The following SLC38A10 variants were observed in gnomAD, a reference collection of about 807,000 sequenced individuals.
SLC38A10 encodes the protein Sodium-coupled neutral amino acid transporter 10.
In SLC38A10, 53 loss-of-function variants were observed where a neutral mutation model predicts 81.0. The ratio of observed to expected loss-of-function variants is 0.65; its 90% CI spans 0.53 to 0.82. SLC38A10 has a LOEUF of 0.82. SLC38A10 is among the 40% of genes least tolerant of loss of function. The probability of loss-of-function intolerance (pLI) is 0.00; values close to 1 mark genes in which losing one functional copy is unlikely to be tolerated. For missense variants in SLC38A10, 1,471 were observed against 1,545.0 expected, an observed-to-expected ratio of 0.95 and a Z score of 0.80; for synonymous variants, 665 against 655.3, an observed-to-expected ratio of 1.01 and a Z score of -0.23.
At position 81,253,985 on chromosome 17, in the gene SLC38A10, C is replaced by T. The variant is rs2062948781; in HGVS notation, c.1289-745G>A. 6.6e-6 allele frequency among the ~76,000 whole-genome samples: 1 copy of T among 152,076 alleles called. No individual in the cohort carries two copies. The highest frequency in any genetic ancestry group is 2.4e-5 in the African/African-American group (1 of 41,396). On this transcript the variant is annotated intron_variant, in intron 11 of 15. Transcript: ENST00000374759. This position sits in a 1 kb window ranked among gnomAD's most constrained non-coding sequence, Gnocchi z 4.1. The stretch of plus-strand genomic sequence containing the variant: ...ACCATCTCCATCCCCACCACCATCG[C>T]TGCATCATTGCCACCACCTCCATAA...
At position 81,283,172 on chromosome 17, in the gene SLC38A10, C is replaced by G. The variant is rs575022150; in HGVS notation, c.357+237G>C. On this transcript the variant is annotated intron_variant, in intron 4 of 15. Transcript: ENST00000374759. This position sits in a 1 kb window ranked among gnomAD's most constrained non-coding sequence, Gnocchi z 4.7. The stretch of plus-strand genomic sequence containing the variant: ...ACTGTGCCCGGGTCTGAGGCTCCCC[C>G]ACCCGCCCCTCATCTACATGGTGTC... Among the ~76,000 whole-genome samples, 1 of 152,162 alleles carries G rather than the reference C, an allele frequency of 6.6e-6. No individual in the cohort carries two copies. The highest frequency in any genetic ancestry group is 2.4e-5 in the African/African-American group (1 of 41,440).
intron 11 of SLC38A10, among the ~76,000 whole-genome samples, chr17:81,256,567 C>T (rs759677704): frequency 1.6e-4 from 24 of 152,350 alleles, no homozygotes; most frequent in Middle Eastern, 6.8e-3. Flanking sequence ...CGGCATCCCA[C>T]GGACGGAGTG....
chr17:81,268,250 A>G (rs111436875), intron 10 of SLC38A10, among the ~76,000 whole-genome samples: 1,540 of 152,218 alleles, frequency 0.01, 36 homozygotes, highest in African/African-American at 0.035. Context: ...TATCCCCTGT[A>G]TGATGGATGA....
chr17:81,276,496 A>C lies in SLC38A10; in HGVS notation c.730-345T>G, dbSNP rs563405953. ...TGCCTCCCCGGTCCTGGTTCAAGCA[A>C]TTCTCCTGCCTCAGCCTCCCGAGTA... On this transcript the variant is annotated intron_variant, in intron 7 of 15. Transcript: ENST00000374759. The surrounding 1 kb of genome is among the most constrained non-coding windows in gnomAD (Gnocchi z 4.7). Among the ~76,000 whole-genome samples, 126 of 151,362 alleles carry C rather than the reference A, an allele frequency of 8.3e-4. No homozygotes were observed. The highest frequency in any genetic ancestry group is 1.5e-3 in the Non-Finnish European group (105 of 67,862).
At chr17:81,282,161 C>G in intron 5 of SLC38A10, 28 bp downstream of exon 5, 1 of 1,610,006 alleles carries the variant, frequency 6.2e-7, no homozygotes, top group Non-Finnish European at 8.5e-7. Context: ...AGCCTTTCAG[C>G]GGGTACCCAC....
intron 14 of SLC38A10, among the ~76,000 whole-genome samples, chr17:81,250,244 G>T (rs541777054): frequency 9.2e-5 from 14 of 152,342 alleles, no homozygotes; most frequent in African/African-American, 2.6e-4. Flanking sequence ...GACTAAAACC[G>T]GAGACAAAAC....
intron 6 of SLC38A10, among the ~76,000 whole-genome samples, chr17:81,278,876 G>C (rs1408924333): frequency 6.6e-6 from 1 of 152,160 alleles, no homozygotes; most frequent in East Asian, 1.9e-4. Flanking sequence ...GGGGTGGCCA[G>C]GGTGGAAGGC....
rs773282111 is a variant in SLC38A10, at chr17:81,245,580, C to A, written c.3336G>T (p.Ala1112=). 1.9e-6 allele frequency: 3 copies of A among 1,609,550 alleles called. No homozygotes were observed. Among genetic ancestry groups the A allele is most frequent in the Non-Finnish European group, 2.5e-6 (3 of 1,178,484 alleles). ...GCTAGGACTCCTCTGGAGGCCCAGG[C>A]GCCTGTCTAAGCTGCCGGCTGTGGA... is the stretch of plus-strand genomic sequence containing the variant. ...QVVHSRQLRQ[A]PGPPEES The change falls in exon 16 of 16, where the codon GCG becomes GCT. Residue 1112 remains alanine, a synonymous_variant. Coordinates refer to ENST00000374759, the MANE Select transcript of SLC38A10 (RefSeq NM_001037984.3).
rs762172945 is a variant in SLC38A10 at position 81,276,141 on chromosome 17, A to G, written c.740T>C (p.Phe247Ser). 1 of 1,610,738 alleles carries G rather than the reference A, an allele frequency of 6.2e-7. No individual in the cohort carries two copies. Among genetic ancestry groups the G allele is most frequent in the South Asian group, 1.1e-5 (1 of 90,826 alleles). ...GGCCTCGGTGAAGCTGACGTAGCCGAAAAACCCCACCTGTTGGAGAATAAG... is the reference window on the plus strand; with the variant it reads ...GGCCTCGGTGAAGCTGACGTAGCCGGAAAACCCCACCTGTTGGAGAATAAG... ...VTTFYVMVGFFGYVSFTEATA... is the reference protein window; with the variant it reads ...VTTFYVMVGFSGYVSFTEATA... The change falls in exon 8 of 16, where the codon TTC (phenylalanine) becomes TCC (serine). Residue 247 changes from phenylalanine to serine, a missense_variant. Transcript: ENST00000374759. The surrounding 1 kb of genome is among the most constrained non-coding windows in gnomAD (Gnocchi z 4.7).
Position 81,276,252 on chromosome 17 carries a change from C to G in SLC38A10, c.730-101G>C, listed in dbSNP as rs2146935270. ...ATGGGGGGGACCTGTGCCCTGCCCC[C>G]CAGAATGGCCTTCAATCCACTTCAT... On this transcript the variant is annotated intron_variant, in intron 7 of 15. Coordinates refer to ENST00000374759, the MANE Select transcript of SLC38A10 (RefSeq NM_001037984.3). This position sits in a 1 kb window ranked among gnomAD's most constrained non-coding sequence, Gnocchi z 4.7. The G allele has an allele frequency of 1.8e-6, 2 of 1,104,096 alleles. No homozygotes were observed. The highest frequency in any genetic ancestry group is 2.5e-6 in the Non-Finnish European group (2 of 800,548). 68.4% of individuals were successfully genotyped at this position (1,104,096 alleles called of 1,614,324 possible). A position where few individuals can be genotyped will look rare whatever the true frequency, so the allele number is the denominator to read the frequency against.
At chr17:81,271,853 A>G (rs2146927067) in intron 9 of SLC38A10, among the ~76,000 whole-genome samples, 1 of 150,314 alleles carries the variant, frequency 6.7e-6, no homozygotes, top group East Asian at 2.0e-4. Flanking sequence ...CAGCCTCCCA[A>G]GTAGCTGGGA....
intron 1 of SLC38A10, among the ~76,000 whole-genome samples, chr17:81,293,854 A>G (rs550013539): frequency 6.6e-6 from 1 of 152,366 alleles, no homozygotes; most frequent in South Asian, 2.1e-4. Context: ...TTTCTTTTCC[A>G]AAGCACTAAA....
intron 11 of SLC38A10, among the ~76,000 whole-genome samples, chr17:81,258,530 G>A (rs1044149894): frequency 6.6e-6 from 1 of 152,070 alleles, no homozygotes; most frequent in African/African-American, 2.4e-5. Flanking sequence ...CTAAGGGGAC[G>A]GGGAGCCTCC....
At chr17:81,258,420 G>T (rs1445065280) in intron 11 of SLC38A10, among the ~76,000 whole-genome samples, 1 of 152,152 alleles carries the variant, frequency 6.6e-6, no homozygotes, top group Non-Finnish European at 1.5e-5. Context: ...ACCAGATGTG[G>T]CCTCGGAGGG....
chr17:81,250,907 G>A (rs1862737216), intron 14 of SLC38A10: 2 of 1,154,418 alleles, frequency 1.7e-6, no homozygotes, highest in Middle Eastern at 3.6e-4. Context: ...ATTCTCAGGA[G>A]AGCAAAGGCG....
At chr17:81,259,313 C>T (rs189675120) in intron 11 of SLC38A10, among the ~76,000 whole-genome samples, 4 of 152,336 alleles carry the variant, frequency 2.6e-5, no homozygotes, top group Non-Finnish European at 4.4e-5. Context: ...GGGCAGATGA[C>T]GCCCAGCGAA....
intron 13 of SLC38A10, chr17:81,251,885 C>T (rs1186966125): frequency 9.6e-6 from 5 of 518,582 alleles, no homozygotes; most frequent in Non-Finnish European, 1.6e-5. Flanking sequence ...TAGACGGGCA[C>T]TTAACAACGT....
chr17:81,279,983 G>T (rs2063195408), intron 6 of SLC38A10: 2 of 341,758 alleles, frequency 5.9e-6, no homozygotes, highest in Non-Finnish European at 1.2e-5. Context: ...CGCTACAGGG[G>T]CCGCTCTGCC....
intron 10 of SLC38A10, among the ~76,000 whole-genome samples, chr17:81,269,071 TA>T (rs1199537917): frequency 6.6e-6 from 1 of 152,162 alleles, no homozygotes; most frequent in African/African-American, 2.4e-5. Flanking sequence ...AACAAGGAGA[TA>T]TAACCAACTT....
Sources: gnomAD v4.1 joint callset for allele counts (sites outside exome capture counted in the v4.1 genomes callset) on GRCh38, gnomAD v4.1.1 for gene constraint, Gnocchi (gnomAD v3.1) non-coding constraint, MANE v1.5 for transcripts, NCBI Gene and HGNC (gene_info 2026-07-23, HGNC 2026-07-21) for gene names.